GARNL3: variants seen among roughly 807,000 people sequenced by gnomAD.
GARNL3 encodes the protein GTPase-activating Rap/Ran-GAP domain-like protein 3.
In GARNL3, 63 loss-of-function variants were observed where a neutral mutation model predicts 125.0. The ratio of observed to expected loss-of-function variants is 0.50; its 90% CI spans 0.41 to 0.62. The LOEUF is 0.62. Ranked by LOEUF, GARNL3 falls within the 20% of genes least tolerant of loss-of-function variation. The pLI, the probability that GARNL3 is intolerant of heterozygous loss-of-function variation, is 0.00. For missense variants in GARNL3, 994 were observed against 1,244.0 expected, an observed-to-expected ratio of 0.80 and a Z score of 3.02; for synonymous variants, 439 against 457.5, an observed-to-expected ratio of 0.96 and a Z score of 0.52.
intron 9 of GARNL3, among the ~76,000 whole-genome samples, chr9:127,334,620 A>G (rs1163763724): frequency 1.3e-5 from 2 of 152,210 alleles, no homozygotes; most frequent in Non-Finnish European, 2.9e-5. Context: ...CATAACAACC[A>G]TCCACTGAGC....
intron 2 of GARNL3, among the ~76,000 whole-genome samples, chr9:127,310,591 A>G (rs1158212600): frequency 2.0e-5 from 3 of 152,060 alleles, no homozygotes; most frequent in Non-Finnish European, 2.9e-5. Flanking sequence ...CCTGGCCAAC[A>G]TGGTAAACCG....
At chr9:127,333,490 A>G (rs757511245) in intron 9 of GARNL3, among the ~76,000 whole-genome samples, 1 of 152,172 alleles carries the variant, frequency 6.6e-6, no homozygotes, top group Non-Finnish European at 1.5e-5. Context: ...TATGCAGATA[A>G]TCATCAAATG....
intron 3 of GARNL3, 82 bp from the exon 4 acceptor site, chr9:127,313,359 G>A: frequency 1.0e-6 from 1 of 953,074 alleles, no homozygotes; most frequent in South Asian, 1.3e-5. Context: ...GGGAAGGGCT[G>A]GACACCACCT....
intron 1 of GARNL3, among the ~76,000 whole-genome samples, chr9:127,225,775 G>A (rs2062898178): frequency 5.5e-5 from 1 of 18,178 alleles, no homozygotes; most frequent in Non-Finnish European, 1.3e-4. Flanking sequence ...GCGTGCCCTG[G>A]CAGCCGCACA....
At chr9:127,386,111 C>T (rs1011142048) in intron 24 of GARNL3, among the ~76,000 whole-genome samples, 2 of 152,168 alleles carry the variant, frequency 1.3e-5, no homozygotes, top group Non-Finnish European at 2.9e-5. Context: ...ATTTGCTGAA[C>T]TCTTGTATCC....
upstream of GARNL3, chr9:127,263,632 T>C: frequency 1.0e-6 from 1 of 994,840 alleles, no homozygotes; most frequent in Non-Finnish European, 1.2e-6. Flanking sequence ...TTTATTCTTT[T>C]TTGGAGATTT....
chr9:127,300,222 AC>A, intron 2 of GARNL3: 1 of 308,956 alleles, frequency 3.2e-6, no homozygotes, highest in South Asian at 3.6e-5. Flanking sequence ...TTACTGAGGC[AC>A]CACACAATTT....
At chr9:127,391,533 A>AATATAT (rs1554741684) in intron 27 of GARNL3, among the ~76,000 whole-genome samples, 37 of 75,706 alleles carry the variant, frequency 4.9e-4, no homozygotes, top group East Asian at 1.6e-3. Flanking sequence ...ACAAAAAAAA[A>AATATAT]ATATATATAT....
chr9:127,242,937 C>T lies in GARNL3; in HGVS notation c.-28-142C>T. 1.7e-6 allele frequency: 1 copy of T among 588,038 alleles called. No homozygotes were observed. Among genetic ancestry groups the T allele is most frequent in the South Asian group, 1.9e-5 (1 of 52,140 alleles). The allele number at this position is 588,038 out of a possible 1,614,324, so 36.4% of individuals were successfully genotyped here. ...GGTCATATGCGGTCTTGGTGGGGCC[C>T]CTGGGTCTTGAGGGTGCTTCAGTGT... On this transcript the variant is annotated intron_variant, in intron 1 of 10. Transcript: ENST00000439286. The surrounding 1 kb of genome is among the most constrained non-coding windows in gnomAD (Gnocchi z 4.6).
At chr9:127,226,205 G>A (rs1439254462) in intron 1 of GARNL3, among the ~76,000 whole-genome samples, 1 of 152,234 alleles carries the variant, frequency 6.6e-6, no homozygotes, top group Admixed American at 6.5e-5. Flanking sequence ...CAGTGGTAGG[G>A]ACCAGAGTGG....
intron 20 of GARNL3, 33 bp downstream of exon 20, chr9:127,355,505 A>G: frequency 6.2e-7 from 1 of 1,601,918 alleles, no homozygotes; most frequent in Non-Finnish European, 8.6e-7. Context: ...TTATCTCCCA[A>G]CCAAGTTGTC....
intron 21 of GARNL3, chr9:127,363,189 G>T (rs921249975): frequency 2.0e-5 from 3 of 152,254 alleles, no homozygotes; most frequent in Admixed American, 1.3e-4. Flanking sequence ...AAAACACAGG[G>T]CATGATAGGA....
chr9:127,285,940 T>A lies in GARNL3; in HGVS notation c.145-5228T>A, dbSNP rs534560668. Among the ~76,000 whole-genome samples the A allele has an allele frequency of 9.8e-5, 15 of 152,330 alleles. No homozygotes were observed. In the South Asian group the frequency reaches 3.1e-3, roughly 32 times the overall value. ...TCTTTTTTGTTTTAGTAGGGAAATG[T>A]AACCAATTCATATTTATTAAAACAT... is the stretch of plus-strand genomic sequence containing the variant. On this transcript the variant is annotated intron_variant, in intron 1 of 27. Transcript: ENST00000373387.
chr9:127,341,515 G>A (rs1183420892), intron 13 of GARNL3, among the ~76,000 whole-genome samples: 1 of 152,184 alleles, frequency 6.6e-6, no homozygotes, highest in Non-Finnish European at 1.5e-5. Flanking sequence ...CAAGTCCAGA[G>A]GATCAGACAG....
chr9:127,276,942 G>C (rs1050874215), intron 1 of GARNL3, among the ~76,000 whole-genome samples: 1 of 152,348 alleles, frequency 6.6e-6, no homozygotes, highest in South Asian at 2.1e-4. Context: ...TGAGTTAACT[G>C]AGATTCAGAG....
At chr9:127,293,749 G>A (rs1162543724) in intron 2 of GARNL3, among the ~76,000 whole-genome samples, 1 of 152,108 alleles carries the variant, frequency 6.6e-6, no homozygotes, top group East Asian at 1.9e-4. Flanking sequence ...CTGCCTGATT[G>A]TGTGCTACTT....
intron 2 of GARNL3, among the ~76,000 whole-genome samples, chr9:127,294,976 G>C (rs376231199): frequency 6.6e-6 from 1 of 152,238 alleles, no homozygotes; most frequent in Non-Finnish European, 1.5e-5. Flanking sequence ...TTTAAGATGG[G>C]GTCGTCAGAA....
Position 127,325,595 on chromosome 9 carries a change from G to T in GARNL3, c.594+500G>T, listed in dbSNP as rs574240889. 2.0e-5 allele frequency among the ~76,000 whole-genome samples: 3 copies of T among 152,288 alleles called. No homozygotes were observed. In the South Asian group the frequency reaches 6.2e-4, roughly 32 times the overall value. On this transcript the variant is annotated intron_variant, in intron 7 of 27. Transcript: ENST00000373387. ...TGGTTTATGTATCTTATCCCTCTCA[G>T]TAAATAGCAGTATCTTTTGTCTTGT... is the stretch of plus-strand genomic sequence containing the variant.
chr9:127,284,807 G>C (rs1221054365), intron 1 of GARNL3, among the ~76,000 whole-genome samples: 1 of 145,020 alleles, frequency 6.9e-6, no homozygotes, highest in Non-Finnish European at 1.5e-5. Context: ...AAATTCTTGA[G>C]TCAAATAGGA....
Sources: gnomAD v4.1 joint callset for allele counts (sites outside exome capture counted in the v4.1 genomes callset) on GRCh38, gnomAD v4.1.1 for gene constraint, Gnocchi (gnomAD v3.1) non-coding constraint, MANE v1.5 for transcripts, NCBI Gene and HGNC (gene_info 2026-07-23, HGNC 2026-07-21) for gene names.